Variants in MITF observed in about 807,000 individuals in gnomAD.
The protein encoded by MITF is microphthalmia-associated transcription factor.
MITF carries 17 observed loss-of-function variants against 60.5 expected under a neutral mutation model. The ratio of observed to expected loss-of-function variants is 0.28; its 90% CI spans 0.19 to 0.42. The LOEUF (loss-of-function observed/expected upper bound fraction) is 0.42. Ranked by LOEUF, MITF falls within the 10% of genes least tolerant of loss-of-function variation. The probability of loss-of-function intolerance (pLI) is 1.00; values close to 1 mark genes in which losing one functional copy is unlikely to be tolerated. For synonymous variants in MITF, 260 were observed against 248.5 expected (o/e 1.05, Z -0.43); for missense variants, 622 against 683.5 (o/e 0.91, Z 1.00).
At chr3:69,830,181 T>C (rs571289861) in intron 1 of MITF, among the ~76,000 whole-genome samples, 1 of 152,290 alleles carries the variant, frequency 6.6e-6, no homozygotes, top group East Asian at 1.9e-4. Context: ...CGGTGGTTCA[T>C]GACCCTCAAA....
At chr3:69,837,378 T>A (rs2063556502) in intron 1 of MITF, among the ~76,000 whole-genome samples, 1 of 152,196 alleles carries the variant, frequency 6.6e-6, no homozygotes, top group Non-Finnish European at 1.5e-5. Context: ...TCTACCTTGT[T>A]TGAAAACAGG....
intron 1 of MITF, among the ~76,000 whole-genome samples, chr3:69,765,607 C>T (rs533902558): frequency 6.6e-6 from 1 of 152,250 alleles, no homozygotes; most frequent in African/African-American, 2.4e-5. Flanking sequence ...AGACCAAGCT[C>T]ATATGTGCTG....
At chr3:69,825,017 A>G (rs2063332960) in intron 1 of MITF, among the ~76,000 whole-genome samples, 1 of 124,716 alleles carries the variant, frequency 8.0e-6, no homozygotes, top group Non-Finnish European at 1.9e-5. Context: ...ATATTCTTTA[A>G]AGTTCTTTCA....
At chr3:69,898,570 C>G (rs1323593182) in intron 2 of MITF, among the ~76,000 whole-genome samples, 3 of 152,184 alleles carry the variant, frequency 2.0e-5, no homozygotes, top group Non-Finnish European at 1.5e-5. Flanking sequence ...TACTCTGGAA[C>G]ATGCCAGTAG....
At chr3:69,773,143 A>C (rs897061631) in intron 1 of MITF, among the ~76,000 whole-genome samples, 1 of 152,194 alleles carries the variant, frequency 6.6e-6, no homozygotes, top group African/African-American at 2.4e-5. Context: ...GGGGCAAAGC[A>C]CAGCAGACAG....
At chr3:69,796,170 A>G (rs1575726822) in intron 1 of MITF, among the ~76,000 whole-genome samples, 2 of 152,188 alleles carry the variant, frequency 1.3e-5, no homozygotes, top group East Asian at 1.9e-4. Context: ...TAGTAAAGAC[A>G]GGGTTTCTTC....
At chr3:69,891,430 G>A (rs1324324327) in intron 2 of MITF, among the ~76,000 whole-genome samples, 2 of 152,150 alleles carry the variant, frequency 1.3e-5, no homozygotes, top group East Asian at 1.9e-4. Flanking sequence ...TTCTCAAAGT[G>A]TGCTCTGGAA....
At chr3:69,915,919 C>G (rs1051162124) in intron 2 of MITF, among the ~76,000 whole-genome samples, 5 of 152,190 alleles carry the variant, frequency 3.3e-5, no homozygotes, top group Admixed American at 3.3e-4. Flanking sequence ...CATGTTCATT[C>G]CCTAGCTGCA....
chr3:69,810,849 T>C (rs2063089786), intron 1 of MITF, among the ~76,000 whole-genome samples: 1 of 152,218 alleles, frequency 6.6e-6, no homozygotes, highest in Non-Finnish European at 1.5e-5. Context: ...GCTTATATTT[T>C]ACCTAATATT....
chr3:69,793,127 C>T lies in MITF; in HGVS notation c.104+53426C>T, dbSNP rs1218697118. On this transcript the variant is annotated intron_variant, in intron 1 of 9. Transcript: ENST00000352241. ...TTCCTGGGCCGAAGTGATCTTCCCACTTCAGCCTCCTGAGTAGCTGGAACT... is the reference window on the plus strand; with the variant it reads ...TTCCTGGGCCGAAGTGATCTTCCCATTTCAGCCTCCTGAGTAGCTGGAACT... Among the ~76,000 whole-genome samples, 3 of 149,330 alleles carry T rather than the reference C, an allele frequency of 2.0e-5. No homozygotes were observed. The East Asian group carries it at 6.3e-4, about 31-fold the overall frequency.
intron 2 of MITF, among the ~76,000 whole-genome samples, chr3:69,934,148 A>T (rs545610208): frequency 4.6e-5 from 7 of 152,138 alleles, no homozygotes; most frequent in Non-Finnish European, 8.8e-5. Context: ...AGGGGTTCTC[A>T]AAGTGTGATC....
At position 69,937,851 on chromosome 3, in the gene MITF, G is replaced by A. The variant is rs1405436628; in HGVS notation, c.384G>A (p.Lys128=). ...AGACCCACCTCGAAAACCCCACCAA[G>A]TACCACATACAGCAAGCCCAACGGC... The part of the protein sequence containing the change: ...KVQTHLENPT[K]YHIQQAQRQQ... The change falls in exon 3 of 10, where the codon AAG becomes AAA. Residue 128 remains lysine (K), a synonymous_variant. Transcript: ENST00000352241. 1.9e-6 allele frequency: 3 copies of A among 1,614,032 alleles called. No homozygotes were observed. Among genetic ancestry groups the A allele is most frequent in the South Asian group, 2.2e-5 (2 of 91,066 alleles).
chr3:69,852,417 A>G (rs1364353581), intron 1 of MITF, among the ~76,000 whole-genome samples: 1 of 152,224 alleles, frequency 6.6e-6, no homozygotes, highest in African/African-American at 2.4e-5. Flanking sequence ...TACAAATGAA[A>G]TCATACAGCA....
intron 1 of MITF, among the ~76,000 whole-genome samples, chr3:69,772,036 T>C (rs965687569): frequency 3.3e-5 from 5 of 152,224 alleles, no homozygotes; most frequent in Non-Finnish European, 7.3e-5. Context: ...TCTTTTAAGT[T>C]TGGACAAGTT....
At chr3:69,878,753 G>A (rs185687951) in intron 1 of MITF, among the ~76,000 whole-genome samples, 13 of 152,088 alleles carry the variant, frequency 8.5e-5, no homozygotes, top group Admixed American at 2.6e-4. Context: ...ATACAAAAAA[G>A]CAAATCAAGC....
At chr3:69,779,390 G>A (rs1294362039) in intron 1 of MITF, among the ~76,000 whole-genome samples, 3 of 152,180 alleles carry the variant, frequency 2.0e-5, no homozygotes, top group African/African-American at 7.2e-5. Context: ...AGTTAAATAT[G>A]ATGGGGTGTG....
intron 2 of MITF, among the ~76,000 whole-genome samples, chr3:69,933,563 T>C (rs1337332490): frequency 6.6e-6 from 1 of 152,166 alleles, no homozygotes; most frequent in Admixed American, 6.6e-5. Flanking sequence ...GTGCTAACAA[T>C]GAATAAAAGT....
At chr3:69,792,715 C>G (rs369476934) in intron 1 of MITF, among the ~76,000 whole-genome samples, 10 of 152,080 alleles carry the variant, frequency 6.6e-5, no homozygotes, top group East Asian at 3.9e-4. Flanking sequence ...CTCTCCAAAT[C>G]AGTACATTTA....
rs778243171 is a variant in MITF, at chr3:69,879,055, A to T, written c.105-79A>T. The T allele has an allele frequency of 9.6e-6, 11 of 1,147,512 alleles. No homozygotes were observed. In the Admixed American group the frequency reaches 1.9e-4, roughly 19 times the overall value. 71.1% of individuals were successfully genotyped at this position (1,147,512 alleles called of 1,614,324 possible). On this transcript the variant is annotated intron_variant, in intron 1 of 9. Coordinates refer to ENST00000352241, the MANE Select transcript of MITF (RefSeq NM_001354604.2). ...GCAGACTCATTTTATAGTTTGGTGC[A>T]ATTTAGGATACCCCCAAAGTGCAAA...
Sources: allele counts gnomAD v4.1 joint callset (sites outside exome capture counted in the v4.1 genomes callset), GRCh38; gene constraint gnomAD v4.1.1; transcripts MANE v1.5; gene names NCBI Gene and HGNC (gene_info 2026-07-23, HGNC 2026-07-21).